CNBD1: variants seen among roughly 807,000 people sequenced by gnomAD.
The protein encoded by CNBD1 is cyclic nucleotide-binding domain-containing protein 1.
In CNBD1, 71 loss-of-function variants were observed where a neutral mutation model predicts 54.4. The ratio of observed to expected loss-of-function variants is 1.30; its 90% CI spans 1.08 to 1.59. The LOEUF is 1.59. Ranked by LOEUF, CNBD1 falls within the 40% of genes most tolerant of loss-of-function variation. The pLI is 0.00. For synonymous variants in CNBD1, 182 were observed against 170.7 expected, an observed-to-expected ratio of 1.07 and a Z score of -0.51; for missense variants, 659 against 518.0, an observed-to-expected ratio of 1.27 and a Z score of -2.64.
chr8:87,024,589 A>G lies in CNBD1; in HGVS notation c.431+84835A>G, dbSNP rs1304800342. 3.9e-5 allele frequency among the ~76,000 whole-genome samples: 6 copies of G among 151,912 alleles called. No homozygotes were observed. In the East Asian group the frequency reaches 9.8e-4, roughly 25 times the overall value. On this transcript the variant is annotated intron_variant, in intron 4 of 10. Transcript: ENST00000518476. ...ACTCCTGACCTCAAATGATCCACCC[A>G]CCTCGGCCTCCCAAACTGCTGGGAT...
intron 4 of CNBD1, among the ~76,000 whole-genome samples, chr8:86,969,041 A>G (rs906085989): frequency 2.0e-5 from 3 of 152,190 alleles, no homozygotes; most frequent in Non-Finnish European, 4.4e-5. Flanking sequence ...CATCTTATTT[A>G]GGAACAAAAT....
At chr8:86,944,766 G>T (rs1045460779) in intron 4 of CNBD1, among the ~76,000 whole-genome samples, 10 of 152,128 alleles carry the variant, frequency 6.6e-5, no homozygotes, top group Non-Finnish European at 1.2e-4. Flanking sequence ...GGTGTGACTG[G>T]CATGTTATGA....
At chr8:87,226,271 G>C (rs960120602) in intron 5 of CNBD1, among the ~76,000 whole-genome samples, 1 of 150,660 alleles carries the variant, frequency 6.6e-6, no homozygotes, top group Non-Finnish European at 1.5e-5. Flanking sequence ...GTTATTTCTT[G>C]CCTTCTGCTA....
chr8:87,342,138 T>G (rs1412508301), intron 8 of CNBD1, among the ~76,000 whole-genome samples: 1 of 152,096 alleles, frequency 6.6e-6, no homozygotes, highest in Non-Finnish European at 1.5e-5. Flanking sequence ...CCGGGCATGG[T>G]GGCAGGCATC....
chr8:87,317,759 GA>G (rs2130896323), intron 8 of CNBD1, among the ~76,000 whole-genome samples: 1 of 151,972 alleles, frequency 6.6e-6, no homozygotes, highest in African/African-American at 2.4e-5. Flanking sequence ...ATATTGGGTG[GA>G]AAAATTTTGG....
At chr8:87,222,855 T>C (rs1814371952) in intron 5 of CNBD1, among the ~76,000 whole-genome samples, 1 of 152,162 alleles carries the variant, frequency 6.6e-6, no homozygotes, top group Non-Finnish European at 1.5e-5. Flanking sequence ...TTTTCAAATA[T>C]GGGGTCCTGC....
chr8:86,921,285 A>G (rs73269843), intron 3 of CNBD1, among the ~76,000 whole-genome samples: 2,532 of 152,236 alleles, frequency 0.017, 68 homozygotes, highest in African/African-American at 0.056. Context: ...TCTTGTTATG[A>G]CTATAAAACC....
intron 4 of CNBD1, among the ~76,000 whole-genome samples, chr8:86,948,985 C>T (rs561024464): frequency 4.6e-5 from 7 of 152,146 alleles, no homozygotes; most frequent in Admixed American, 6.5e-5. Context: ...CTAGTTTTCC[C>T]AGCACATTTT....
intron 4 of CNBD1, among the ~76,000 whole-genome samples, chr8:87,025,864 C>T (rs1809632997): frequency 6.6e-6 from 1 of 152,068 alleles, no homozygotes; most frequent in Non-Finnish European, 1.5e-5. Context: ...GTCAGCGAGA[C>T]CAAGAACCCA....
chr8:87,337,497 C>T (rs917414080), intron 8 of CNBD1, among the ~76,000 whole-genome samples: 1 of 152,210 alleles, frequency 6.6e-6, no homozygotes, highest in African/African-American at 2.4e-5. Flanking sequence ...GCAGCTTCAG[C>T]AGTGGTGATG....
At chr8:86,879,401 A>G (rs926671120) in intron 1 of CNBD1, among the ~76,000 whole-genome samples, 1 of 152,218 alleles carries the variant, frequency 6.6e-6, no homozygotes, top group Non-Finnish European at 1.5e-5. Context: ...GCACAATGGA[A>G]AAGACATTTA....
At chr8:86,891,028 T>C (rs7821540) in intron 2 of CNBD1, among the ~76,000 whole-genome samples, 76,514 of 151,602 alleles carry the variant, frequency 0.5, 19,486 homozygotes, top group South Asian at 0.58. Flanking sequence ...ATATTTTCTC[T>C]CATTCTGTAG....
chr8:87,378,323 T>C (rs940779967), intron 10 of CNBD1, among the ~76,000 whole-genome samples: 1 of 147,160 alleles, frequency 6.8e-6, no homozygotes, highest in Non-Finnish European at 1.5e-5. Context: ...CTTGAATTGA[T>C]TTTTGTATAA....
At chr8:87,303,384 G>A (rs550570675) in intron 8 of CNBD1, among the ~76,000 whole-genome samples, 4 of 151,926 alleles carry the variant, frequency 2.6e-5, no homozygotes, top group African/African-American at 9.7e-5. Context: ...CAAGCAATGG[G>A]GAAAGGATTC....
chr8:86,896,187 T>C (rs545822165), intron 2 of CNBD1, among the ~76,000 whole-genome samples: 1 of 152,228 alleles, frequency 6.6e-6, no homozygotes, highest in South Asian at 2.1e-4. Context: ...AAAACAACGT[T>C]GGAGGCATTC....
chr8:86,991,384 C>A (rs1808743400), intron 4 of CNBD1, among the ~76,000 whole-genome samples: 1 of 151,588 alleles, frequency 6.6e-6, no homozygotes, highest in South Asian at 2.1e-4. Context: ...CTGACACACA[C>A]TCTCTCTGTC....
At chr8:87,338,453 T>G (rs1396970866) in intron 8 of CNBD1, among the ~76,000 whole-genome samples, 2 of 152,030 alleles carry the variant, frequency 1.3e-5, no homozygotes, top group Admixed American at 6.5e-5. Context: ...AATTCAAGGT[T>G]GGTGATTTTG....
chr8:87,013,638 T>C (rs1009494327), intron 4 of CNBD1, among the ~76,000 whole-genome samples: 2 of 151,580 alleles, frequency 1.3e-5, no homozygotes, highest in African/African-American at 4.8e-5. Flanking sequence ...TTTTGTTTTT[T>C]GTTTTTTTTT....
At chr8:87,133,024 T>G (rs1448500645) in intron 4 of CNBD1, among the ~76,000 whole-genome samples, 3 of 151,784 alleles carry the variant, frequency 2.0e-5, no homozygotes, top group Non-Finnish European at 4.4e-5. Context: ...GTAAATCTAA[T>G]TGACTTCTAA....
Sources: allele counts gnomAD v4.1 joint callset (sites outside exome capture counted in the v4.1 genomes callset), GRCh38; gene constraint gnomAD v4.1.1; transcripts MANE v1.5; gene names NCBI Gene and HGNC (gene_info 2026-07-23, HGNC 2026-07-21).